The following IQSEC1 variants were observed in gnomAD, a reference collection of about 807,000 sequenced individuals.
IQSEC1 encodes the protein IQ motif and Sec7 domain ArfGEF 1, also known as IQ motif and SEC7 domain-containing protein 1.
IQSEC1 carries 31 observed loss-of-function variants against 91.0 expected under a neutral mutation model. The observed-to-expected ratio is 0.34, with a 90% confidence interval of 0.26 to 0.46. IQSEC1 has a LOEUF of 0.46. Ranked by LOEUF, IQSEC1 falls within the 20% of genes least tolerant of loss-of-function variation. The pLI is 1.00. For synonymous variants in IQSEC1, 699 were observed against 662.6 expected, an observed-to-expected ratio of 1.05 and a Z score of -0.84; for missense variants, 1,388 against 1,575.6, an observed-to-expected ratio of 0.88 and a Z score of 2.02.
chr3:13,276,080 CTTTTTTTTT>C lies in IQSEC1; in HGVS notation c.272+6622_272+6630del, dbSNP rs796663192. Among the ~76,000 whole-genome samples the C allele has an allele frequency of 2.9e-4, 23 of 79,548 alleles. 1 individual carries two copies. The highest frequency in any genetic ancestry group is 2.4e-3 in the South Asian group (4 of 1,684). The allele number at this position is 79,548 out of a possible 152,430, so 52.2% of individuals were successfully genotyped here. On this transcript the variant is annotated intron_variant, in intron 1 of 15. Coordinates refer to the IQSEC1 transcript ENST00000648114. ...AGGGAAAACAATCCTCAAAAGCATTCTTTTTTTTTTTTTTTTTTTTTTTTTTGAGACAGA... is the reference window on the plus strand; with the variant it reads ...AGGGAAAACAATCCTCAAAAGCATTCTTTTTTTTTTTTTTTTTGAGACAGA...
intron 2 of IQSEC1, among the ~76,000 whole-genome samples, chr3:13,095,570 C>A (rs922919424): frequency 6.6e-6 from 1 of 152,136 alleles, no homozygotes. Flanking sequence ...GCCACTCCCC[C>A]CTCCTTTCCC....
chr3:13,249,081 T>C (rs1181742329), intron 1 of IQSEC1, among the ~76,000 whole-genome samples: 1 of 152,048 alleles, frequency 6.6e-6, no homozygotes, highest in Non-Finnish European at 1.5e-5. Flanking sequence ...GAATTCCTTG[T>C]TGGGTCTCAG....
chr3:13,114,043 G>A (rs146581299), intron 2 of IQSEC1, among the ~76,000 whole-genome samples: 10 of 152,370 alleles, frequency 6.6e-5, no homozygotes, highest in Admixed American at 2.0e-4. Context: ...TAGGCTTAGC[G>A]TGTGCACACA....
chr3:13,002,815 A>G (rs1188414620), intron 1 of IQSEC1, among the ~76,000 whole-genome samples: 2 of 152,214 alleles, frequency 1.3e-5, no homozygotes, highest in African/African-American at 4.8e-5. Flanking sequence ...TAGAAGCAAA[A>G]AGCCAGACAA....
rs185109301 is a variant in IQSEC1, at chr3:13,211,482, C to T, written c.273-47349G>A. Among the ~76,000 whole-genome samples, 36 of 152,106 alleles carry T rather than the reference C, an allele frequency of 2.4e-4. No homozygotes were observed. In the East Asian group the frequency reaches 6.2e-3, roughly 26 times the overall value. Reference sequence around the variant, plus strand: ...AAACAAAGACCCCAACTCAGGGTCTCGGCTCTTCAGGCATCCACCCCCAAG... The same window carrying T: ...AAACAAAGACCCCAACTCAGGGTCTTGGCTCTTCAGGCATCCACCCCCAAG... On this transcript the variant is annotated intron_variant, in intron 1 of 15. Coordinates refer to the IQSEC1 transcript ENST00000648114. This position sits in a 1 kb window ranked among gnomAD's most constrained non-coding sequence, Gnocchi z 5.3.
chr3:13,081,159 C>T (rs527540936), intron 2 of IQSEC1, among the ~76,000 whole-genome samples: 77 of 152,308 alleles, frequency 5.1e-4, no homozygotes, highest in Non-Finnish European at 9.1e-4. Flanking sequence ...GTGTCCATAA[C>T]ACACAACTAG....
chr3:12,911,114 A>T (rs969951198), intron 10 of IQSEC1, among the ~76,000 whole-genome samples: 1 of 152,206 alleles, frequency 6.6e-6, no homozygotes, highest in African/African-American at 2.4e-5. Flanking sequence ...TCCGGCAGCT[A>T]TGATGGGGGC....
rs1437734198 is a variant in IQSEC1 at position 12,922,758 on chromosome 3, G to A, written c.1731-516C>T. Among the ~76,000 whole-genome samples, 2 of 152,132 alleles carry A rather than the reference G, an allele frequency of 1.3e-5. No homozygotes were observed. Among genetic ancestry groups the A allele is most frequent in the Non-Finnish European group, 2.9e-5 (2 of 68,018 alleles). ...AGATGCTTTTCCAGGGACTTGAAAG[G>A]GCCATGCACCCTCATCTGTGGGGCA... On this transcript the variant is annotated intron_variant, in intron 4 of 13. Coordinates refer to ENST00000613206, the MANE Select transcript of IQSEC1 (RefSeq NM_001134382.3). This position sits in a 1 kb window ranked among gnomAD's most constrained non-coding sequence, Gnocchi z 5.1.
chr3:13,261,640 G>A (rs1285080018), intron 1 of IQSEC1, among the ~76,000 whole-genome samples: 4 of 151,826 alleles, frequency 2.6e-5, no homozygotes, highest in Admixed American at 6.6e-5. Context: ...TGGTGACCAA[G>A]CATCTGTCCC....
chr3:13,233,641 C>T (rs1363043922), intron 1 of IQSEC1, among the ~76,000 whole-genome samples: 2 of 152,234 alleles, frequency 1.3e-5, no homozygotes, highest in African/African-American at 2.4e-5. Context: ...TCCCCTCCGC[C>T]TGACTGTCCT....
At chr3:13,174,661 CA>C (rs2125006579) in intron 1 of IQSEC1, among the ~76,000 whole-genome samples, 1 of 152,302 alleles carries the variant, frequency 6.6e-6, no homozygotes, top group African/African-American at 2.4e-5. Context: ...CTCCCTCTAA[CA>C]GTAGCAGGTG....
intron 1 of IQSEC1, among the ~76,000 whole-genome samples, chr3:13,067,039 G>C (rs1165703571): frequency 6.6e-6 from 1 of 152,240 alleles, no homozygotes; most frequent in Non-Finnish European, 1.5e-5. Flanking sequence ...GATGAGGTCA[G>C]AGGCCCAGAG....
intron 1 of IQSEC1, among the ~76,000 whole-genome samples, chr3:12,988,221 T>C (rs1351950015): frequency 6.6e-6 from 1 of 152,076 alleles, no homozygotes; most frequent in Non-Finnish European, 1.5e-5. Flanking sequence ...TGAGACTAGC[T>C]TGGCTAACAT....
At chr3:12,949,416 C>T (rs1423384689) in intron 1 of IQSEC1, among the ~76,000 whole-genome samples, 1 of 152,280 alleles carries the variant, frequency 6.6e-6, no homozygotes, top group Non-Finnish European at 1.5e-5. Context: ...GGTTAAATGT[C>T]CATGCCAGCA....
intron 2 of IQSEC1, among the ~76,000 whole-genome samples, chr3:13,142,081 G>T (rs151049092): frequency 6.6e-6 from 1 of 152,380 alleles, no homozygotes; most frequent in East Asian, 1.9e-4. Flanking sequence ...GAGACGCACA[G>T]TTGTGTGATC....
At chr3:13,245,020 T>C (rs1695085270) in intron 1 of IQSEC1, among the ~76,000 whole-genome samples, 1 of 152,202 alleles carries the variant, frequency 6.6e-6, no homozygotes, top group Admixed American at 6.5e-5. Context: ...GCCACTATGA[T>C]GCTACAAACA....
At chr3:13,176,528 C>T (rs891119187) in intron 1 of IQSEC1, among the ~76,000 whole-genome samples, 1 of 152,226 alleles carries the variant, frequency 6.6e-6, no homozygotes, top group African/African-American at 2.4e-5. Context: ...GTCGGGAACA[C>T]ATTCTAAACA....
rs1214484668 is a variant in IQSEC1 at position 12,900,488 on chromosome 3, T to TA, written c.*494dup. 2.6e-6 allele frequency: 2 copies of TA among 774,124 alleles called. No homozygotes were observed. Among genetic ancestry groups the TA allele is most frequent in the African/African-American group, 3.8e-5 (2 of 52,722 alleles). The allele number at this position is 774,124 out of a possible 1,614,324, so 48.0% of individuals were successfully genotyped here. Reference sequence around the variant, plus strand: ...ATATATTTATATATTTATATATTTATATAAAGTTTACTTACGTATTTTCAT... The same window carrying TA: ...ATATATTTATATATTTATATATTTATAATAAAGTTTACTTACGTATTTTCAT... On this transcript the variant is annotated 3_prime_UTR_variant, in exon 14 of 14. Transcript: ENST00000613206.
At chr3:12,902,348 A>G (rs1694409674) in intron 13 of IQSEC1, among the ~76,000 whole-genome samples, 1 of 152,104 alleles carries the variant, frequency 6.6e-6, no homozygotes, top group African/African-American at 2.4e-5. Context: ...GTGGAAGTCA[A>G]GGGTTCAGCA....
Sources: gnomAD v4.1 joint callset for allele counts (sites outside exome capture counted in the v4.1 genomes callset) on GRCh38, gnomAD v4.1.1 for gene constraint, Gnocchi (gnomAD v3.1) non-coding constraint, MANE v1.5 for transcripts, NCBI Gene and HGNC (gene_info 2026-07-23, HGNC 2026-07-21) for gene names.